TULP4: variants seen among roughly 807,000 people sequenced by gnomAD.
The protein encoded by TULP4 is tubby-related protein 4.
A neutral mutation model predicts 129.0 loss-of-function variants in TULP4; 16 were observed. The ratio of observed to expected loss-of-function variants is 0.12; its 90% CI spans 0.08 to 0.19. The LOEUF is 0.19. Among genes scored for constraint, TULP4 ranks in the 10% least tolerant of loss-of-function variants. The probability of loss-of-function intolerance (pLI) is 1.00; values close to 1 mark genes in which losing one functional copy is unlikely to be tolerated. For synonymous variants in TULP4, 998 were observed against 854.0 expected, an observed-to-expected ratio of 1.17 and a Z score of -2.94; for missense variants, 1,842 against 2,059.1, an observed-to-expected ratio of 0.89 and a Z score of 2.04.
At chr6:158,350,174 C>A (rs1051895749) in intron 1 of TULP4, among the ~76,000 whole-genome samples, 4 of 151,922 alleles carry the variant, frequency 2.6e-5, no homozygotes, top group Non-Finnish European at 5.9e-5. Flanking sequence ...GACGGGGCGG[C>A]CGGGCAGAGG....
Position 158,366,696 on chromosome 6 carries a change from T to A in TULP4, c.253-46369T>A, listed in dbSNP as rs112166827. 2.9e-3 allele frequency among the ~76,000 whole-genome samples: 439 copies of A among 152,366 alleles called. 6 individuals are homozygous for A. Among genetic ancestry groups the A allele is most frequent in the African/African-American group, 9.3e-3 (385 of 41,588 alleles). The stretch of plus-strand genomic sequence containing the variant: ...GTCTTGTTTGTTCTGTTGGTAAACA[T>A]GCCTGCCTTCCTTGCTTCCTTCCAT... On this transcript the variant is annotated intron_variant, in intron 1 of 13. Coordinates refer to ENST00000367097, the MANE Select transcript of TULP4 (RefSeq NM_020245.5).
At chr6:158,421,784 T>C (rs1367958468) in intron 2 of TULP4, among the ~76,000 whole-genome samples, 1 of 152,362 alleles carries the variant, frequency 6.6e-6, no homozygotes, top group Non-Finnish European at 1.5e-5. Context: ...TTTTCTTGTC[T>C]TGTAATGTTA....
chr6:158,381,059 C>A (rs1777313288), intron 1 of TULP4, among the ~76,000 whole-genome samples: 1 of 151,816 alleles, frequency 6.6e-6, no homozygotes. Context: ...AGCAAGGCTT[C>A]CTGAAGGTGG....
At chr6:158,463,423 G>T (rs540762598) in intron 6 of TULP4, among the ~76,000 whole-genome samples, 1 of 152,110 alleles carries the variant, frequency 6.6e-6, no homozygotes, top group African/African-American at 2.4e-5. Flanking sequence ...CTGGGAGGGA[G>T]TTGACAGTGG....
chr6:158,407,683 C>T (rs112399484), intron 1 of TULP4, among the ~76,000 whole-genome samples: 1 of 152,142 alleles, frequency 6.6e-6, no homozygotes, highest in East Asian at 1.9e-4. Context: ...ATACATGGTA[C>T]AACATGGATA....
chr6:158,305,786 A>C (rs775297246), intron 1 of TULP4, among the ~76,000 whole-genome samples: 7 of 152,066 alleles, frequency 4.6e-5, no homozygotes, highest in African/African-American at 7.2e-5. Flanking sequence ...TGGCATACAA[A>C]TATCTGTTCA....
chr6:158,467,320 C>T (rs1463553613), intron 6 of TULP4, among the ~76,000 whole-genome samples: 2 of 146,746 alleles, frequency 1.4e-5, no homozygotes, highest in African/African-American at 5.0e-5. Flanking sequence ...GCTCTTGTTG[C>T]CCAAGCTGGA....
chr6:158,503,226 G>A lies in TULP4; in HGVS notation c.3563G>A (p.Gly1188Glu), dbSNP rs570241943. The A allele has an allele frequency of 3.0e-5, 48 of 1,614,096 alleles. No individual in the cohort carries two copies. In the South Asian group the frequency reaches 4.9e-4, roughly 17 times the overall value. Reference sequence around the variant, plus strand: ...ACTTTCCAAACAGGCTATGGGATGGGAGTGCCATATCCAGGAAGCTATAAC... The same window carrying A: ...ACTTTCCAAACAGGCTATGGGATGGAAGTGCCATATCCAGGAAGCTATAAC... ...TATFQTGYGM[G>E]VPYPGSYNNP... Residue 1188 changes from glycine (G) to glutamate (E), a missense_variant, in exon 13 of 14, where the codon GGA becomes GAA. By Grantham distance (98) the Gly-to-Glu change is moderately conservative. This residue lies in a region of TULP4 where 1,089 missense variants were observed against 987.1 expected (regional missense o/e 1.10). Transcript: ENST00000367097. The surrounding 1 kb of genome is among the most constrained non-coding windows in gnomAD (Gnocchi z 4.3).
chr6:158,357,583 T>G (rs1476415330), intron 1 of TULP4, among the ~76,000 whole-genome samples: 1 of 152,194 alleles, frequency 6.6e-6, no homozygotes, highest in Non-Finnish European at 1.5e-5. Flanking sequence ...TCTGCTGTTG[T>G]TTTTACTGGC....
intron 1 of TULP4, among the ~76,000 whole-genome samples, chr6:158,351,838 C>T (rs1780533362): frequency 6.7e-6 from 1 of 149,480 alleles, no homozygotes; most frequent in Non-Finnish European, 1.5e-5. Context: ...TCTCCTGCCT[C>T]AGCCTCCCGA....
intron 1 of TULP4, among the ~76,000 whole-genome samples, chr6:158,389,953 AT>A (rs1203222504): frequency 6.6e-6 from 1 of 151,954 alleles, no homozygotes; most frequent in South Asian, 2.1e-4. Flanking sequence ...TCTACTAAAA[AT>A]ATAAAAGTTA....
At chr6:158,311,696 A>T (rs1384572763), upstream of TULP4, among the ~76,000 whole-genome samples, 2 of 152,206 alleles carry the variant, frequency 1.3e-5, no homozygotes, top group Non-Finnish European at 2.9e-5. Context: ...CTGCTTAAAC[A>T]GCGACCATGG....
intron 1 of TULP4, among the ~76,000 whole-genome samples, chr6:158,385,327 TGC>T (rs1777414277): frequency 6.6e-6 from 1 of 152,236 alleles, no homozygotes; most frequent in African/African-American, 2.4e-5. Flanking sequence ...ATAATTTCTC[TGC>T]AGTCAGGGCA....
At chr6:158,290,023 A>G (rs1362394831) in intron 1 of TULP4, among the ~76,000 whole-genome samples, 3 of 151,632 alleles carry the variant, frequency 2.0e-5, no homozygotes, top group Non-Finnish European at 4.4e-5. Flanking sequence ...TGCAGCCCCC[A>G]CCTCCTAGAC....
chr6:158,325,462 C>T (rs1037519026), intron 1 of TULP4, among the ~76,000 whole-genome samples: 21 of 151,472 alleles, frequency 1.4e-4, no homozygotes, highest in Non-Finnish European at 2.5e-4. Context: ...ATGCCATTCT[C>T]CTGCCTTAGC....
intron 1 of TULP4, among the ~76,000 whole-genome samples, chr6:158,264,192 G>A (rs529276620): frequency 6.6e-6 from 1 of 152,358 alleles, no homozygotes; most frequent in African/African-American, 2.4e-5. Context: ...CAGAGGAAGT[G>A]CGGCCTTAAC....
chr6:158,439,677 T>C (rs1034784595), intron 3 of TULP4, among the ~76,000 whole-genome samples: 21 of 149,796 alleles, frequency 1.4e-4, no homozygotes, highest in African/African-American at 5.1e-4. Flanking sequence ...ATCTCTCTCA[T>C]GTAAGCTCTT....
chr6:158,295,892 A>G (rs986694132), intron 1 of TULP4, among the ~76,000 whole-genome samples: 12 of 152,230 alleles, frequency 7.9e-5, no homozygotes, highest in African/African-American at 2.4e-4. Context: ...CTCCGTCTCA[A>G]AAGAAAAAAA....
chr6:158,279,445 A>G (rs147875241), upstream of TULP4, among the ~76,000 whole-genome samples: 219 of 152,264 alleles, frequency 1.4e-3, no homozygotes, highest in African/African-American at 5.0e-3. Flanking sequence ...CTGTGTTCTG[A>G]TCTTAATGTC....
Sources: gnomAD v4.1 joint callset for allele counts (sites outside exome capture counted in the v4.1 genomes callset) on GRCh38, gnomAD v4.1.1 for gene constraint, gnomAD v4.1.1 regional missense constraint, Gnocchi (gnomAD v3.1) non-coding constraint, MANE v1.5 for transcripts, NCBI Gene and HGNC (gene_info 2026-07-23, HGNC 2026-07-21) for gene names.